Variants in INTS2 observed in about 807,000 individuals in gnomAD.
INTS2 encodes the protein KIAA1287.
INTS2 carries 57 observed loss-of-function variants against 139.6 expected under a neutral mutation model. The observed-to-expected ratio is 0.41, with a 90% CI of 0.33 to 0.51. The LOEUF is 0.51. Ranked by LOEUF, INTS2 falls within the 20% of genes least tolerant of loss-of-function variation. INTS2 has a pLI of 0.28. For missense variants in INTS2, 1,196 were observed against 1,436.7 expected, an observed-to-expected ratio of 0.83 and a Z score of 2.71; for synonymous variants, 473 against 493.4, an observed-to-expected ratio of 0.96 and a Z score of 0.55.
At position 61,913,956 on chromosome 17, in the gene INTS2, T is replaced by C. The variant is rs996321024; in HGVS notation, c.650-1886A>G. Among the ~76,000 whole-genome samples, 3 of 151,986 alleles carry C rather than the reference T, an allele frequency of 2.0e-5. No individual in the cohort carries two copies. In the East Asian group the frequency reaches 5.8e-4, roughly 29 times the overall value. On this transcript the variant is annotated intron_variant, in intron 5 of 24. Coordinates refer to ENST00000251334, the MANE Select transcript of INTS2 (RefSeq NM_001351695.2). ...GTAAAAGTAAAATCCATGACAACAATGGCACAAAGTACAAGAGGAAAAAGA... is the reference window on the plus strand; with the variant it reads ...GTAAAAGTAAAATCCATGACAACAACGGCACAAAGTACAAGAGGAAAAAGA...
intron 18 of INTS2, among the ~76,000 whole-genome samples, chr17:61,877,338 C>G (rs895222342): frequency 6.6e-6 from 1 of 152,112 alleles, no homozygotes; most frequent in African/African-American, 2.4e-5. Context: ...CTATTTATAG[C>G]CCAGTATTCT....
intron 5 of INTS2, among the ~76,000 whole-genome samples, chr17:61,918,919 TG>T (rs1311853521): frequency 2.0e-5 from 3 of 149,142 alleles, no homozygotes; most frequent in African/African-American, 4.9e-5. Flanking sequence ...TCTAGTTCCT[TG>T]GGGTTTTTTT....
At chr17:61,889,494 G>A (rs1479514060) in intron 15 of INTS2, among the ~76,000 whole-genome samples, 1 of 152,110 alleles carries the variant, frequency 6.6e-6, no homozygotes, top group East Asian at 1.9e-4. Flanking sequence ...AGCTCCATCA[G>A]GTGTTAAATT....
chr17:61,878,874 G>T (rs2079149087), intron 17 of INTS2, among the ~76,000 whole-genome samples: 1 of 130,708 alleles, frequency 7.7e-6, no homozygotes, highest in African/African-American at 3.1e-5. Flanking sequence ...AGTTTGCAGT[G>T]AGCTGTGTTC....
chr17:61,925,328 C>T (rs1020835178), intron 2 of INTS2, among the ~76,000 whole-genome samples: 64 of 152,176 alleles, frequency 4.2e-4, no homozygotes, highest in Non-Finnish European at 9.1e-4. Context: ...CGCCGGTAAT[C>T]CCAGTACTTT....
At position 61,867,496 on chromosome 17, in the gene INTS2, A is replaced by G; in HGVS notation, c.*61T>C. 1.0e-6 allele frequency: 1 copy of G among 993,102 alleles called. No homozygotes were observed. The highest frequency in any genetic ancestry group is 1.6e-5 in the South Asian group (1 of 64,274). The allele number at this position is 993,102 out of a possible 1,614,324, so 61.5% of individuals were successfully genotyped here. On this transcript the variant is annotated 3_prime_UTR_variant, in exon 25 of 25. Coordinates refer to ENST00000251334, the MANE Select transcript of INTS2 (RefSeq NM_001351695.2). The surrounding 1 kb of genome is among the most constrained non-coding windows in gnomAD (Gnocchi z 5.6). ...TCCCATTCAGTTTAGAGTTGTTACTAATATGCAGATTCATGTTGGGTATAT... is the reference window on the plus strand; with the variant it reads ...TCCCATTCAGTTTAGAGTTGTTACTGATATGCAGATTCATGTTGGGTATAT...
rs761706625 is a variant in INTS2 at position 61,869,684 on chromosome 17, G to A, written c.3030+53C>T. 39 of 1,575,824 alleles carry A rather than the reference G, an allele frequency of 2.5e-5. No homozygotes were observed. The highest frequency in any genetic ancestry group is 3.4e-4 in the Middle Eastern group (2 of 5,936). ...GATCCCTGTTAATATAGTATTCAAA[G>A]CCCCCAAGAAAAATAAAGTTCAAAC... On this transcript the variant is annotated intron_variant, in intron 21 of 24. Coordinates refer to ENST00000251334, the MANE Select transcript of INTS2 (RefSeq NM_001351695.2). This position sits in a 1 kb window ranked among gnomAD's most constrained non-coding sequence, Gnocchi z 5.4.
intron 9 of INTS2, among the ~76,000 whole-genome samples, chr17:61,901,693 A>C (rs1014717806): frequency 1.5e-5 from 2 of 136,286 alleles, no homozygotes; most frequent in African/African-American, 5.5e-5. Flanking sequence ...TCTGCCTCCC[A>C]GGTTCACGCC....
At chr17:61,899,373 C>T (rs1396986990) in intron 9 of INTS2, among the ~76,000 whole-genome samples, 1 of 152,098 alleles carries the variant, frequency 6.6e-6, no homozygotes. Flanking sequence ...GCCTCAGCCT[C>T]CCGAGCAGCT....
chr17:61,919,822 G>A (rs2079620967), intron 4 of INTS2, among the ~76,000 whole-genome samples: 1 of 152,046 alleles, frequency 6.6e-6, no homozygotes, highest in Non-Finnish European at 1.5e-5. Context: ...TCAACCTCCT[G>A]GGCTCAAGCA....
chr17:61,884,327 C>T (rs976703535), intron 16 of INTS2, among the ~76,000 whole-genome samples: 2 of 152,056 alleles, frequency 1.3e-5, no homozygotes, highest in Non-Finnish European at 2.9e-5. Flanking sequence ...CCTGTCTCTA[C>T]TAAAAATACA....
At chr17:61,888,109 A>G (rs572821265) in intron 15 of INTS2, among the ~76,000 whole-genome samples, 52 of 151,808 alleles carry the variant, frequency 3.4e-4, no homozygotes, top group African/African-American at 1.2e-3. Flanking sequence ...GATCACTCAC[A>G]CCTGTAATCC....
chr17:61,911,506 T>C lies in INTS2; in HGVS notation c.954+14A>G. On this transcript the variant is annotated intron_variant, in intron 7 of 24. Coordinates refer to ENST00000251334, the MANE Select transcript of INTS2 (RefSeq NM_001351695.2). ...TATTCTGATCCTTAGCCTATACAGA[T>C]ATTTAACCCTCACCTGCTGTCCATT... The C allele has an allele frequency of 6.2e-7, 1 of 1,612,698 alleles. No individual in the cohort carries two copies. Among genetic ancestry groups the C allele is most frequent in the South Asian group, 1.1e-5 (1 of 90,982 alleles).
At chr17:61,915,033 G>A (rs544728276) in intron 5 of INTS2, among the ~76,000 whole-genome samples, 13 of 151,662 alleles carry the variant, frequency 8.6e-5, no homozygotes, top group Admixed American at 2.6e-4. Flanking sequence ...GTGAAACTCC[G>A]TCTCTACTAA....
chr17:61,912,086 C>T lies in INTS2; in HGVS notation c.650-16G>A. The T allele has an allele frequency of 6.2e-7, 1 of 1,609,424 alleles. No homozygotes were observed. The highest frequency in any genetic ancestry group is 8.5e-7 in the Non-Finnish European group (1 of 1,177,906). Reference sequence around the variant, plus strand: ...CCCCTACAAACTAACATGATAGAAACCATCTTCTTCAGCCTTCAGAATTAA... The same window carrying T: ...CCCCTACAAACTAACATGATAGAAATCATCTTCTTCAGCCTTCAGAATTAA... On this transcript the variant is annotated splice_polypyrimidine_tract_variant and intron_variant, in intron 5 of 24. Transcript: ENST00000251334.
intron 3 of INTS2, 79 bp from the exon 4 acceptor site, chr17:61,921,906 G>A (rs967092844): frequency 1.3e-5 from 10 of 746,818 alleles, no homozygotes; most frequent in Non-Finnish European, 2.2e-6. Flanking sequence ...TATTTCTTGA[G>A]CTCACAGATT....
Position 61,927,627 on chromosome 17 carries a change from G to A in INTS2, c.-19+27C>T, listed in dbSNP as rs902926890. 17 of 1,323,032 alleles carry A rather than the reference G, an allele frequency of 1.3e-5. No homozygotes were observed. In the Admixed American group the frequency reaches 5.6e-4, roughly 43 times the overall value. The allele number at this position is 1,323,032 out of a possible 1,614,324, so 82.0% of individuals were successfully genotyped here. On this transcript the variant is annotated intron_variant, in intron 1 of 24. Coordinates refer to ENST00000251334, the MANE Select transcript of INTS2 (RefSeq NM_001351695.2). ...TCCGACACGGACCTAGGAACGCGCTGAGGCCAGAGAAGCGGACGCTTCATA... is the reference window on the plus strand; with the variant it reads ...TCCGACACGGACCTAGGAACGCGCTAAGGCCAGAGAAGCGGACGCTTCATA...
At chr17:61,914,873 CAAA>C (rs749701339) in intron 5 of INTS2, among the ~76,000 whole-genome samples, 3 of 116,678 alleles carry the variant, frequency 2.6e-5, no homozygotes, top group African/African-American at 6.3e-5. Context: ...GACACTATCT[CAAA>C]AAAAAAAAAA....
At chr17:61,883,645 G>A (rs1177056117) in intron 16 of INTS2, among the ~76,000 whole-genome samples, 2 of 151,794 alleles carry the variant, frequency 1.3e-5, no homozygotes, top group African/African-American at 4.8e-5. Context: ...CCAGCTACTC[G>A]GGAGGCTGAG....
Sources: gnomAD v4.1 joint callset for allele counts (sites outside exome capture counted in the v4.1 genomes callset) on GRCh38, gnomAD v4.1.1 for gene constraint, Gnocchi (gnomAD v3.1) non-coding constraint, MANE v1.5 for transcripts, NCBI Gene and HGNC (gene_info 2026-07-23, HGNC 2026-07-21) for gene names.